Variants in TBL1Y observed in about 807,000 individuals in gnomAD.
The protein encoded by TBL1Y is transducin beta like 1 Y-linked, also known as F-box-like/WD repeat-containing protein TBL1Y.
TBL1Y carries 15 observed loss-of-function variants against 12.0 expected under a neutral mutation model. The observed-to-expected ratio is 1.25, with a 90% CI of 0.83 to 1.92. The LOEUF (loss-of-function observed/expected upper bound fraction) is 1.92. TBL1Y is among the 40% of genes most tolerant of loss of function. TBL1Y has a pLI of 0.00. For missense variants in TBL1Y, 148 were observed against 116.7 expected (o/e 1.27, Z -1.24); for synonymous variants, 53 against 42.6 (o/e 1.24, Z -0.95).
At chrY:6,983,674 G>A in intron 3 of TBL1Y, among the ~76,000 whole-genome samples, 1 of 33,614 alleles carries the variant, frequency 3.0e-5, no homozygotes, top group African/African-American at 1.2e-4. Flanking sequence ...TAAGTTCTTT[G>A]TTATGTGTTT....
intron 3 of TBL1Y, among the ~76,000 whole-genome samples, chrY:6,986,707 T>G: frequency 8.0e-5 from 2 of 25,029 alleles, no homozygotes; most frequent in Non-Finnish European, 1.9e-4. Context: ...TCTCGGTGGG[T>G]TTTTTTTTTT....
intron 7 of TBL1Y, among the ~76,000 whole-genome samples, chrY:7,057,355 A>G (rs753680202): frequency 7.8e-4 from 26 of 33,544 alleles, no homozygotes; most frequent in African/African-American, 3.0e-3. Context: ...CTCCCCTTGT[A>G]TTTCTTACAG....
chrY:7,063,179 C>T (rs2012900181), intron 7 of TBL1Y, among the ~76,000 whole-genome samples: 1 of 32,941 alleles, frequency 3.0e-5, no homozygotes, highest in African/African-American at 1.2e-4. Context: ...CCGGACGAGC[C>T]CCGAAATTGT....
chrY:6,977,451 G>C (rs774246872), intron 2 of TBL1Y, among the ~76,000 whole-genome samples: 100 of 33,000 alleles, frequency 3.0e-3, no homozygotes, highest in Non-Finnish European at 5.1e-3. Flanking sequence ...CCCAAGTTAT[G>C]ACAATCTTGA....
At chrY:6,948,908 G>A (rs2012006269) in intron 2 of TBL1Y, among the ~76,000 whole-genome samples, 1 of 30,938 alleles carries the variant, frequency 3.2e-5, no homozygotes, top group East Asian at 8.4e-4. Context: ...AGTACAGAAT[G>A]TACAGAAGAA....
chrY:7,086,402 G>A lies in TBL1Y; in HGVS notation c.1265G>A (p.Ser422Asn). 2.6e-6 allele frequency: 1 copy of A among 384,563 alleles called. No homozygotes were observed. Among genetic ancestry groups the A allele is most frequent in the East Asian group, 1.0e-4 (1 of 9,549 alleles). ...CCTGCCACCAGCAACCCAAACTCCA[G>A]CATCATGTTGGCAAGGTAAGGGCCG... Reference protein sequence around the residue: ...TGPATSNPNSSIMLASASFDS... With the variant: ...TGPATSNPNSNIMLASASFDS... The change falls in exon 16 of 19, where the codon AGC becomes AAC. Residue 422 changes from serine to asparagine, a missense_variant. Ser to Asn is a conservative substitution (Grantham distance 46). Transcript: ENST00000383032.
rs2011694478 is a variant in TBL1Y at position 6,911,611 on chromosome Y, A to AC, written c.-350-469dup. ...CAGCGCGCAGTCAAGTCTGGGGGCAACCCCCCCCGCGCCCCCGGTCTGTTT... is the reference window on the plus strand; with the variant it reads ...CAGCGCGCAGTCAAGTCTGGGGGCAACCCCCCCCCGCGCCCCCGGTCTGTTT... On this transcript the variant is annotated intron_variant, in intron 1 of 18. Transcript: ENST00000383032. 5.6e-4 allele frequency among the ~76,000 whole-genome samples: 18 copies of AC among 31,872 alleles called. No homozygotes were observed. In the East Asian group the frequency reaches 7.7e-3, roughly 14 times the overall value. 85.5% of individuals were successfully genotyped at this position (31,872 alleles called of 37,273 possible).
chrY:6,992,064 C>A, intron 3 of TBL1Y, among the ~76,000 whole-genome samples: 1 of 33,929 alleles, frequency 2.9e-5, no homozygotes, highest in Middle Eastern at 0.014. Context: ...GGACGATGTC[C>A]AAGTCTGGTC....
intron 2 of TBL1Y, among the ~76,000 whole-genome samples, chrY:6,931,920 C>G (rs2011867981): frequency 3.0e-5 from 1 of 33,895 alleles, no homozygotes; most frequent in Non-Finnish European, 7.3e-5. Flanking sequence ...GATCATTAAT[C>G]TGCTTTTTCT....
chrY:7,007,986 A>G (rs536403600), intron 4 of TBL1Y, among the ~76,000 whole-genome samples: 1 of 33,599 alleles, frequency 3.0e-5, no homozygotes, highest in Admixed American at 2.7e-4. Context: ...CATAATTGTC[A>G]GCAAGAAATT....
rs371282846 is a variant in TBL1Y, at chrY:7,063,912, G to A, written c.220G>A (p.Asp74Asn). 1.0e-3 allele frequency: 394 copies of A among 395,620 alleles called. No homozygotes were observed. The South Asian group carries it at 0.01, about 10-fold the overall frequency. The change falls in exon 8 of 19, where the codon GAC (aspartate) becomes AAC (asparagine). Residue 74 changes from aspartate (D) to asparagine (N), a missense_variant. Transcript: ENST00000383032. ...GCTTCCCCAGGATGGCACAGTGTTC[G>A]ACAGCCGCCCTATAGAGTCCCTGTC... is the stretch of plus-strand genomic sequence containing the variant. ...ISINKDGTVF[D>N]SRPIESLSLI...
At chrY:7,089,145 T>C in intron 17 of TBL1Y, among the ~76,000 whole-genome samples, 2 of 33,525 alleles carry the variant, frequency 6.0e-5, no homozygotes, top group Non-Finnish European at 1.5e-4. Context: ...TTCAAAGCCC[T>C]CTATTTTCCT....
intron 7 of TBL1Y, among the ~76,000 whole-genome samples, chrY:7,050,754 A>G: frequency 6.6e-5 from 2 of 30,100 alleles, no homozygotes; most frequent in Admixed American, 3.4e-4. Context: ...ATGACTTGCT[A>G]GAAATACATA....
intron 3 of TBL1Y, among the ~76,000 whole-genome samples, chrY:6,987,152 G>A (rs2012324336): frequency 3.1e-5 from 1 of 32,762 alleles, no homozygotes; most frequent in Non-Finnish European, 7.5e-5. Context: ...TCTAAGTTAT[G>A]TGGAATTGAC....
At chrY:7,063,046 C>T in intron 7 of TBL1Y, among the ~76,000 whole-genome samples, 1 of 32,452 alleles carries the variant, frequency 3.1e-5, no homozygotes. Flanking sequence ...TGTTGCTGAG[C>T]GTTCAGGTTA....
intron 2 of TBL1Y, among the ~76,000 whole-genome samples, chrY:6,961,253 C>G (rs2012123235): frequency 3.0e-5 from 1 of 32,963 alleles, no homozygotes; most frequent in Non-Finnish European, 7.4e-5. Context: ...AGCATATTCT[C>G]TGGAGTTTAT....
At chrY:6,989,753 G>C in intron 3 of TBL1Y, among the ~76,000 whole-genome samples, 1 of 34,001 alleles carries the variant, frequency 2.9e-5, no homozygotes, top group Admixed American at 2.6e-4. Context: ...ACTCCGTGTA[G>C]CTTCTCAGGC....
At chrY:6,982,436 C>T (rs951159527) in intron 3 of TBL1Y, among the ~76,000 whole-genome samples, 7 of 32,698 alleles carry the variant, frequency 2.1e-4, no homozygotes, top group Admixed American at 8.7e-4. Flanking sequence ...GCCTGCGTGA[C>T]GGTGAGACCC....
chrY:7,035,424 C>A (rs1603041889), intron 6 of TBL1Y, among the ~76,000 whole-genome samples: 1 of 33,845 alleles, frequency 3.0e-5, no homozygotes, highest in African/African-American at 1.2e-4. Context: ...ACCAGAAATA[C>A]CATTTGACCC....
Sources: allele counts gnomAD v4.1 joint callset (sites outside exome capture counted in the v4.1 genomes callset), GRCh38; gene constraint gnomAD v4.1.1; transcripts MANE v1.5; gene names NCBI Gene and HGNC (gene_info 2026-07-23, HGNC 2026-07-21).